KIF13A: variants seen among roughly 807,000 people sequenced by gnomAD.
The protein encoded by KIF13A is kinesin family member 13A.
A neutral mutation model predicts 212.2 loss-of-function variants in KIF13A; 79 were observed. That is an observed-to-expected ratio of 0.37 (90% CI 0.31 to 0.45). The LOEUF is 0.45. KIF13A is among the 20% of genes least tolerant of loss of function. The pLI, the probability that KIF13A is intolerant of heterozygous loss-of-function variation, is 1.00. For missense variants in KIF13A, 1,901 were observed against 2,209.0 expected (o/e 0.86, Z 2.79); for synonymous variants, 789 against 808.6 (o/e 0.98, Z 0.41).
At chr6:17,761,317 C>T (rs181112654), downstream of KIF13A, among the ~76,000 whole-genome samples, 54 of 152,220 alleles carry the variant, frequency 3.5e-4, no homozygotes, top group East Asian at 9.3e-3. Context: ...TGGGTTCATG[C>T]GATCTTCCTG....
chr6:17,814,053 C>T (rs1268829344), intron 17 of KIF13A, among the ~76,000 whole-genome samples: 18 of 146,588 alleles, frequency 1.2e-4, no homozygotes, highest in African/African-American at 1.5e-4. Flanking sequence ...CCCAGGTTCA[C>T]GCCATTCTCC....
Position 17,892,977 on chromosome 6 carries a change from AG to A in KIF13A, c.159+5190del, listed in dbSNP as rs1319981002. Among the ~76,000 whole-genome samples the A allele has an allele frequency of 6.6e-6, 1 of 152,222 alleles. No individual in the cohort carries two copies. Among genetic ancestry groups the A allele is most frequent in the Non-Finnish European group, 1.5e-5 (1 of 68,044 alleles). Reference sequence around the variant, plus strand: ...CTTGATTTATAGCCGGTAGGTCAGAAGTATAGGTGGCAACCTGGGACTTGCG... The same window carrying A: ...CTTGATTTATAGCCGGTAGGTCAGAATATAGGTGGCAACCTGGGACTTGCG... On this transcript the variant is annotated intron_variant, in intron 3 of 38. Coordinates refer to ENST00000259711, the MANE Select transcript of KIF13A (RefSeq NM_022113.6). The surrounding 1 kb of genome is among the most constrained non-coding windows in gnomAD (Gnocchi z 4.7).
At position 17,963,332 on chromosome 6, in the gene KIF13A, C is replaced by T. The variant is rs1779010625; in HGVS notation, c.146+23722G>A. On this transcript the variant is annotated intron_variant, in intron 2 of 38. Coordinates refer to ENST00000259711, the MANE Select transcript of KIF13A (RefSeq NM_022113.6). This position sits in a 1 kb window ranked among gnomAD's most constrained non-coding sequence, Gnocchi z 4.1. ...ACTCGGGAGGCTGACGCAGGAGAATCACTTGAACCTGGGAGGGAGAGGCTG... is the reference window on the plus strand; with the variant it reads ...ACTCGGGAGGCTGACGCAGGAGAATTACTTGAACCTGGGAGGGAGAGGCTG... 6.6e-6 allele frequency among the ~76,000 whole-genome samples: 1 copy of T among 152,150 alleles called. No individual in the cohort carries two copies. The highest frequency in any genetic ancestry group is 1.5e-5 in the Non-Finnish European group (1 of 68,030).
chr6:17,922,729 T>TA (rs1187078790), intron 2 of KIF13A, among the ~76,000 whole-genome samples: 1 of 151,920 alleles, frequency 6.6e-6, no homozygotes, highest in Middle Eastern at 3.2e-3. Flanking sequence ...TTCAGCTAGA[T>TA]AGAGGGTATG....
At chr6:17,827,003 A>G (rs1295380850) in intron 14 of KIF13A, among the ~76,000 whole-genome samples, 2 of 151,880 alleles carry the variant, frequency 1.3e-5, no homozygotes, top group Non-Finnish European at 1.5e-5. Flanking sequence ...CAGAGGTTGC[A>G]GTGAGCCGAG....
intron 2 of KIF13A, among the ~76,000 whole-genome samples, chr6:17,903,367 T>C (rs981208726): frequency 6.6e-6 from 1 of 152,200 alleles, no homozygotes; most frequent in Non-Finnish European, 1.5e-5. Context: ...ATCAATGATT[T>C]TGATAAACAA....
chr6:17,783,777 C>A lies in KIF13A; in HGVS notation c.3489-76G>T. 1 of 958,770 alleles carries A rather than the reference C, an allele frequency of 1.0e-6. No homozygotes were observed. The highest frequency in any genetic ancestry group is 1.6e-6 in the Non-Finnish European group (1 of 610,212). The allele number at this position is 958,770 out of a possible 1,614,324, so 59.4% of individuals were successfully genotyped here. A position where few individuals can be genotyped will look rare whatever the true frequency, so the allele number is the denominator to read the frequency against. On this transcript the variant is annotated intron_variant, in intron 28 of 38. Coordinates refer to ENST00000259711, the MANE Select transcript of KIF13A (RefSeq NM_022113.6). The surrounding 1 kb of genome is among the most constrained non-coding windows in gnomAD (Gnocchi z 4.3). ...TGTTAGCTGATAAAACACCACAGAG[C>A]TGTGGAAGCAAAGAGAACCATGGTG...
At chr6:17,973,927 C>G (rs1780042033) in intron 2 of KIF13A, among the ~76,000 whole-genome samples, 1 of 152,196 alleles carries the variant, frequency 6.6e-6, no homozygotes, top group African/African-American at 2.4e-5. Flanking sequence ...TGCCTTCTAA[C>G]AAGTTGGTAT....
At chr6:17,975,153 G>A (rs1016979674) in intron 2 of KIF13A, among the ~76,000 whole-genome samples, 1 of 152,066 alleles carries the variant, frequency 6.6e-6, no homozygotes, top group Non-Finnish European at 1.5e-5. Flanking sequence ...AGGCCAGCCT[G>A]GCCAACATAG....
chr6:17,877,144 C>CAAAA (rs35738402), intron 3 of KIF13A, among the ~76,000 whole-genome samples: 4 of 97,954 alleles, frequency 4.1e-5, no homozygotes, highest in Admixed American at 2.6e-4. Flanking sequence ...TCTCTCTTGC[C>CAAAA]AAAAAAAAAA....
At chr6:17,885,864 C>T (rs567185905) in intron 3 of KIF13A, among the ~76,000 whole-genome samples, 51 of 152,246 alleles carry the variant, frequency 3.3e-4, no homozygotes, top group African/African-American at 1.2e-3. Flanking sequence ...TTTCAAAATC[C>T]GCTTCACTGG....
chr6:17,904,044 C>T (rs1260309322), intron 2 of KIF13A, among the ~76,000 whole-genome samples: 1 of 151,774 alleles, frequency 6.6e-6, no homozygotes, highest in Non-Finnish European at 1.5e-5. Flanking sequence ...GTAATCCCAG[C>T]TACATTGGAG....
intron 2 of KIF13A, among the ~76,000 whole-genome samples, chr6:17,923,653 G>C (rs1192891909): frequency 6.6e-6 from 1 of 151,948 alleles, no homozygotes; most frequent in African/African-American, 2.4e-5. Flanking sequence ...ATTTTCAAAT[G>C]ACACTTAAGA....
chr6:17,907,163 C>A (rs999002845), intron 2 of KIF13A, among the ~76,000 whole-genome samples: 3 of 151,942 alleles, frequency 2.0e-5, no homozygotes, highest in Admixed American at 1.3e-4. Context: ...ATTTAATGAC[C>A]CTATACATAA....
At chr6:17,976,511 A>G (rs982695482) in intron 2 of KIF13A, among the ~76,000 whole-genome samples, 2 of 152,158 alleles carry the variant, frequency 1.3e-5, no homozygotes, top group Non-Finnish European at 1.5e-5. Flanking sequence ...ACGCCCACCC[A>G]GAACTCCAGC....
chr6:17,952,960 G>A (rs547255968), intron 2 of KIF13A, among the ~76,000 whole-genome samples: 3 of 152,166 alleles, frequency 2.0e-5, no homozygotes, highest in Non-Finnish European at 4.4e-5. Context: ...AAGCGAAGAG[G>A]GGAAGAGAGG....
intron 16 of KIF13A, chr6:17,821,866 G>T: frequency 5.9e-6 from 9 of 1,535,264 alleles, no homozygotes; most frequent in Non-Finnish European, 7.0e-6. Context: ...CCACCAAGGG[G>T]ATGACCACCA....
chr6:17,936,840 T>C (rs1011186837), intron 2 of KIF13A, among the ~76,000 whole-genome samples: 3 of 152,044 alleles, frequency 2.0e-5, no homozygotes, highest in African/African-American at 7.2e-5. Flanking sequence ...TTGCATTCCT[T>C]TGAAAAAAAA....
intron 38 of KIF13A, chr6:17,770,289 T>C (rs1016988921): frequency 1.3e-5 from 2 of 150,472 alleles, no homozygotes; most frequent in Non-Finnish European, 2.9e-5. Context: ...TTTCAAAGCC[T>C]AGGAAGCCAC....
Sources: allele counts gnomAD v4.1 joint callset (sites outside exome capture counted in the v4.1 genomes callset), GRCh38; gene constraint gnomAD v4.1.1; non-coding constraint Gnocchi (gnomAD v3.1); transcripts MANE v1.5; gene names NCBI Gene and HGNC (gene_info 2026-07-23, HGNC 2026-07-21).